Variants in SS18 observed in about 807,000 individuals in gnomAD.
The protein encoded by SS18 is SS18 subunit of BAF chromatin remodeling complex.
Under a neutral mutation model 72.5 loss-of-function variants are expected in SS18, and 28 were observed. That is an observed-to-expected ratio of 0.39 (90% CI 0.29 to 0.53). The LOEUF is 0.53. Ranked by LOEUF, SS18 falls within the 20% of genes least tolerant of loss-of-function variation. SS18 has a pLI of 0.76. For missense variants in SS18, 518 were observed against 535.3 expected (o/e 0.97, Z 0.32); for synonymous variants, 172 against 164.2 (o/e 1.05, Z -0.37).
chr18:26,087,107 C>T (rs1272137813), intron 2 of SS18, among the ~76,000 whole-genome samples: 3 of 152,164 alleles, frequency 2.0e-5, no homozygotes, highest in Non-Finnish European at 4.4e-5. Flanking sequence ...GGTACTGAAA[C>T]ATGGTTCAAC....
chr18:26,024,039 G>A (rs2053401826), intron 10 of SS18, among the ~76,000 whole-genome samples: 1 of 151,926 alleles, frequency 6.6e-6, no homozygotes, highest in Middle Eastern at 3.2e-3. Context: ...ACGCTACACA[G>A]ACGAACCTTG....
At chr18:26,057,483 C>T (rs1215758429) in intron 4 of SS18, 106 bp downstream of exon 4, 8 of 1,302,064 alleles carry the variant, frequency 6.1e-6, no homozygotes, top group Non-Finnish European at 6.6e-6. Flanking sequence ...TACTCGGGGG[C>T]ATTCAAAGCA....
intron 5 of SS18, among the ~76,000 whole-genome samples, chr18:26,046,511 A>C (rs1365674852): frequency 6.6e-6 from 1 of 152,096 alleles, no homozygotes; most frequent in Admixed American, 6.5e-5. Context: ...CATCCTTTTC[A>C]TCACAACTAC....
At chr18:26,057,531 A>G (rs1187216475) in intron 4 of SS18, 58 bp downstream of exon 4, 2 of 1,600,482 alleles carry the variant, frequency 1.2e-6, no homozygotes, top group East Asian at 2.2e-5. Flanking sequence ...TTGAGCCCCC[A>G]TGTCGTTTCA....
intron 2 of SS18, among the ~76,000 whole-genome samples, chr18:26,080,950 T>C (rs1171868204): frequency 6.6e-6 from 1 of 152,114 alleles, no homozygotes; most frequent in African/African-American, 2.4e-5. Context: ...ATCATTACTA[T>C]TTAATCCACA....
intron 10 of SS18, 58 bp from the exon 11 acceptor site, chr18:26,018,438 A>T: frequency 1.5e-6 from 2 of 1,321,400 alleles, no homozygotes; most frequent in Non-Finnish European, 2.1e-6. Context: ...CAGGCAAAGA[A>T]GATTACAAAC....
intron 1 of SS18, among the ~76,000 whole-genome samples, chr18:26,088,011 A>G (rs1216312356): frequency 6.6e-6 from 1 of 152,294 alleles, no homozygotes; most frequent in Admixed American, 6.5e-5. Flanking sequence ...GAAATGTTTC[A>G]TCTATACAGA....
chr18:26,051,654 C>T (rs1278413559), intron 5 of SS18, among the ~76,000 whole-genome samples: 1 of 151,872 alleles, frequency 6.6e-6, no homozygotes, highest in South Asian at 2.1e-4. Flanking sequence ...TTTAATTGAC[C>T]TAATAAAAAC....
chr18:26,048,962 AT>A (rs1436782856), intron 5 of SS18, among the ~76,000 whole-genome samples: 40 of 152,334 alleles, frequency 2.6e-4, no homozygotes, highest in African/African-American at 9.1e-4. Flanking sequence ...TACATGCATC[AT>A]TTCACTTAAT....
chr18:26,018,523 G>A (rs1447138353), intron 10 of SS18, 143 bp from the exon 11 acceptor site: 12 of 555,204 alleles, frequency 2.2e-5, no homozygotes, highest in Non-Finnish European at 3.1e-6. Flanking sequence ...TATATCGTTA[G>A]GTATACAGTA....
intron 5 of SS18, among the ~76,000 whole-genome samples, chr18:26,045,741 G>C (rs934190032): frequency 2.0e-5 from 3 of 152,064 alleles, no homozygotes; most frequent in Middle Eastern, 3.4e-3. Flanking sequence ...CATGCAAAAC[G>C]ATCTTAATAA....
In SS18 at chr18:26,038,023, T is replaced by C. The variant is rs551319322; in HGVS notation, c.880+532A>G. ...CCATTCTACTCAATCTCTATATGGC[T>C]ATATTATGGATATAATTTAGTCTCC... On this transcript the variant is annotated intron_variant, in intron 7 of 10. Coordinates refer to ENST00000415083, the MANE Select transcript of SS18 (RefSeq NM_001007559.3). Among the ~76,000 whole-genome samples the C allele has an allele frequency of 4.6e-5, 7 of 152,278 alleles. No homozygotes were observed. The South Asian group carries it at 1.5e-3, about 32-fold the overall frequency.
intron 10 of SS18, among the ~76,000 whole-genome samples, chr18:26,023,004 T>C (rs2053379327): frequency 6.6e-6 from 1 of 152,226 alleles, no homozygotes; most frequent in African/African-American, 2.4e-5. Context: ...TTGTCCTGCC[T>C]AGAATATCTT....
chr18:26,073,780 G>A (rs2144119007), intron 3 of SS18, among the ~76,000 whole-genome samples: 1 of 152,284 alleles, frequency 6.6e-6, no homozygotes, highest in East Asian at 1.9e-4. Flanking sequence ...AACATTATCT[G>A]TCACAAAGTA....
At chr18:26,052,599 C>A in intron 5 of SS18, 25 bp downstream of exon 5, 3 of 1,578,326 alleles carry the variant, frequency 1.9e-6, no homozygotes, top group South Asian at 1.1e-5. Flanking sequence ...GCACTCTAGT[C>A]AAGAAGGACA....
chr18:26,057,477 C>A, intron 4 of SS18, 112 bp downstream of exon 4: 1 of 1,237,242 alleles, frequency 8.1e-7, no homozygotes, highest in Non-Finnish European at 1.2e-6. Context: ...AGCTTGTACT[C>A]GGGGGCATTC....
intron 3 of SS18, among the ~76,000 whole-genome samples, chr18:26,071,306 A>C (rs927501215): frequency 6.6e-6 from 1 of 152,224 alleles, no homozygotes; most frequent in African/African-American, 2.4e-5. Flanking sequence ...GAGAAAAAAT[A>C]AATTTAAGAA....
intron 10 of SS18, among the ~76,000 whole-genome samples, chr18:26,031,102 T>C (rs2053535918): frequency 1.3e-5 from 2 of 152,362 alleles, no homozygotes; most frequent in Non-Finnish European, 2.9e-5. Flanking sequence ...AAAGTTTACC[T>C]GCAGATTACA....
In SS18 at chr18:26,038,675, C is replaced by T; in HGVS notation, c.776-16G>A. The stretch of plus-strand genomic sequence containing the variant: ...TGTGGTGGGCCTGAAAAACCACAAC[C>T]AGTCAAGATATAAATAATGTGTTCT... On this transcript the variant is annotated splice_polypyrimidine_tract_variant and intron_variant, in intron 6 of 10. Transcript: ENST00000415083. 2.5e-6 allele frequency: 4 copies of T among 1,589,550 alleles called. No homozygotes were observed. Among genetic ancestry groups the T allele is most frequent in the Non-Finnish European group, 3.5e-6 (4 of 1,157,890 alleles).
Sources: allele counts gnomAD v4.1 joint callset (sites outside exome capture counted in the v4.1 genomes callset), GRCh38; gene constraint gnomAD v4.1.1; transcripts MANE v1.5; gene names NCBI Gene and HGNC (gene_info 2026-07-23, HGNC 2026-07-21).